Variants in MAP4K5 observed in about 807,000 individuals in gnomAD.
The protein encoded by MAP4K5 is MAPK/ERK kinase kinase kinase 5.
Under a neutral mutation model 135.6 loss-of-function variants are expected in MAP4K5, and 82 were observed. That is an observed-to-expected ratio of 0.60 (90% CI 0.51 to 0.73). MAP4K5 has a LOEUF of 0.73. MAP4K5 is among the 30% of genes least tolerant of loss of function. MAP4K5 has a pLI of 0.00. For synonymous variants in MAP4K5, 347 were observed against 335.0 expected, an observed-to-expected ratio of 1.04 and a Z score of -0.39; for missense variants, 907 against 1,010.9, an observed-to-expected ratio of 0.90 and a Z score of 1.39.
Position 50,428,688 on chromosome 14 carries a change from C to T in MAP4K5, c.2300G>A (p.Ser767Asn). Residue 767 changes from serine (S) to asparagine (N), a missense_variant, in exon 30 of 33, where the codon AGT (serine) becomes AAT (asparagine). By Grantham distance (46) the Ser-to-Asn change is conservative (BLOSUM62 1). Coordinates refer to ENST00000682126, the MANE Select transcript of MAP4K5 (RefSeq NM_006575.6). ...KSSKKLASEL[S>N]FDFRIESVVC... ...TACAGATTCAATGCGAAAATCAAAA[C>T]TTAACTCAGAGGCCAGTTTCTTACT... 1 of 1,521,254 alleles carries T rather than the reference C, an allele frequency of 6.6e-7. No individual in the cohort carries two copies. The highest frequency in any genetic ancestry group is 8.8e-7 in the Non-Finnish European group (1 of 1,138,104). The allele number at this position is 1,521,254 out of a possible 1,614,324, so 94.2% of individuals were successfully genotyped here.
At chr14:50,475,286 T>C (rs2037070376) in intron 8 of MAP4K5, 137 bp from the exon 9 acceptor site, 1 of 652,978 alleles carries the variant, frequency 1.5e-6, no homozygotes, top group African/African-American at 1.8e-5. Context: ...AATACCTAAA[T>C]CTCTTCTTGC....
At chr14:50,433,900 T>C (rs2036030624) in intron 28 of MAP4K5, among the ~76,000 whole-genome samples, 1 of 152,230 alleles carries the variant, frequency 6.6e-6, no homozygotes, top group South Asian at 2.1e-4. Flanking sequence ...AGTCTAGGAA[T>C]AAACTTCCCA....
upstream of MAP4K5, chr14:50,532,572 T>TCGCCGCCGC (rs531110683): frequency 6.6e-4 from 99 of 150,356 alleles, 1 homozygote; most frequent in African/African-American, 2.0e-3. Flanking sequence ...GCGCGTACAG[T>TCGCCGCCGC]CGCCGCCGCC....
At position 50,456,537 on chromosome 14, in the gene MAP4K5, G is replaced by A. The variant is rs1334187112; in HGVS notation, c.994C>T (p.Arg332Trp). 6.3e-6 allele frequency: 10 copies of A among 1,578,276 alleles called. No homozygotes were observed. The highest frequency in any genetic ancestry group is 1.7e-4 in the Middle Eastern group (1 of 6,020). ...ATACAATTTATTTCTGAAGCTGTCC[G>A]TTCAGCTCTGGCATTCCTGTTTGTA... ...RSTNRNARAE[R>W]TASEINFDKL... The change falls in exon 14 of 33, where the codon CGG becomes TGG. Residue 332 changes from arginine to tryptophan, a missense_variant. This residue lies in a region of MAP4K5 where 690 missense variants were observed against 777.4 expected (regional missense o/e 0.89). Transcript: ENST00000682126.
chr14:50,448,569 T>C (rs1043758550), intron 15 of MAP4K5, among the ~76,000 whole-genome samples: 1 of 151,920 alleles, frequency 6.6e-6, no homozygotes, highest in Non-Finnish European at 1.5e-5. Context: ...GAGGTTAAAA[T>C]GAATGATTGA....
At chr14:50,473,716 CTTTTTTTTTTT>C (rs398077753) in intron 9 of MAP4K5, among the ~76,000 whole-genome samples, 9 of 95,502 alleles carry the variant, frequency 9.4e-5, no homozygotes, top group Admixed American at 2.6e-4. Flanking sequence ...TTTGGTTTCA[CTTTTTTTTTTT>C]TTTTTTTTTT....
chr14:50,546,590 G>A (rs2038635487), intron 1 of MAP4K5, among the ~76,000 whole-genome samples: 1 of 152,122 alleles, frequency 6.6e-6, no homozygotes, highest in Admixed American at 6.5e-5. Context: ...AAATAGAAAT[G>A]TCTTCAGAAT....
intron 17 of MAP4K5, 97 bp from the exon 18 acceptor site, chr14:50,445,291 A>C: frequency 1.8e-6 from 2 of 1,084,722 alleles, no homozygotes; most frequent in Non-Finnish European, 2.6e-6. Flanking sequence ...TCTTCTATAC[A>C]GTTCAATTCA....
At chr14:50,502,774 A>T (rs1210416801) in intron 3 of MAP4K5, among the ~76,000 whole-genome samples, 1 of 152,128 alleles carries the variant, frequency 6.6e-6, no homozygotes, top group Admixed American at 6.6e-5. Flanking sequence ...ATCTATGTTT[A>T]CATGGAAATT....
chr14:50,479,357 C>T (rs2037185294), intron 6 of MAP4K5, among the ~76,000 whole-genome samples: 1 of 152,026 alleles, frequency 6.6e-6, no homozygotes, highest in Non-Finnish European at 1.5e-5. Flanking sequence ...ACCTCTATGC[C>T]CTCAAATTCA....
At chr14:50,420,530 G>A (rs779810188) in intron 32 of MAP4K5, among the ~76,000 whole-genome samples, 1 of 152,058 alleles carries the variant, frequency 6.6e-6, no homozygotes, top group African/African-American at 2.4e-5. Flanking sequence ...TACTCAGGAC[G>A]CTGAGGCAGG....
Position 50,514,496 on chromosome 14 carries a change from T to C in MAP4K5, c.109-9639A>G, listed in dbSNP as rs990649721. ...AATGAAACAAAAACAGTTCCTGTCTTCCGAAAACTTTTATCAGTTAGAAAG... is the reference window on the plus strand; with the variant it reads ...AATGAAACAAAAACAGTTCCTGTCTCCCGAAAACTTTTATCAGTTAGAAAG... On this transcript the variant is annotated intron_variant, in intron 2 of 32. Transcript: ENST00000682126. 2.0e-5 allele frequency among the ~76,000 whole-genome samples: 3 copies of C among 152,308 alleles called. No individual in the cohort carries two copies. In the East Asian group the frequency reaches 5.8e-4, roughly 29 times the overall value.
intron 2 of MAP4K5, 110 bp from the exon 3 acceptor site, chr14:50,504,967 A>G (rs1482766277): frequency 6.6e-6 from 4 of 608,996 alleles, no homozygotes; most frequent in Non-Finnish European, 1.1e-5. Context: ...ATCAAAACTA[A>G]AAAACAAAAT....
intron 2 of MAP4K5, among the ~76,000 whole-genome samples, chr14:50,515,267 T>A (rs2038012834): frequency 6.6e-6 from 1 of 152,170 alleles, no homozygotes; most frequent in African/African-American, 2.4e-5. Flanking sequence ...TCCTTTCTCT[T>A]GCCTCCACCA....
intron 2 of MAP4K5, among the ~76,000 whole-genome samples, chr14:50,509,325 TTC>T (rs1176448698): frequency 6.6e-6 from 1 of 152,204 alleles, no homozygotes; most frequent in Non-Finnish European, 1.5e-5. Context: ...AATTCGAGAA[TTC>T]TCTTTTTCTT....
intron 13 of MAP4K5, among the ~76,000 whole-genome samples, chr14:50,459,664 T>C (rs1055176773): frequency 6.6e-6 from 1 of 152,070 alleles, no homozygotes; most frequent in Admixed American, 6.6e-5. Context: ...CTTCCTTGTT[T>C]TCTGCCCTAG....
At chr14:50,549,134 G>A (rs951147499) in intron 1 of MAP4K5, among the ~76,000 whole-genome samples, 9 of 151,992 alleles carry the variant, frequency 5.9e-5, no homozygotes, top group South Asian at 2.1e-4. Flanking sequence ...AGATGGCAAC[G>A]GAACCACCTA....
chr14:50,426,041 T>G, intron 30 of MAP4K5, 64 bp from the exon 31 acceptor site: 1 of 1,049,216 alleles, frequency 9.5e-7, no homozygotes, highest in South Asian at 1.4e-5. Context: ...ATAAATTTTC[T>G]CTACTTTTAA....
At chr14:50,521,019 A>G (rs1208018016) in intron 2 of MAP4K5, among the ~76,000 whole-genome samples, 1 of 151,814 alleles carries the variant, frequency 6.6e-6, no homozygotes, top group Non-Finnish European at 1.5e-5. Context: ...CAGGGTTTCA[A>G]CATGTTGGCC....
Sources: allele counts gnomAD v4.1 joint callset (sites outside exome capture counted in the v4.1 genomes callset), GRCh38; gene constraint gnomAD v4.1.1; regional missense constraint gnomAD v4.1.1; transcripts MANE v1.5; gene names NCBI Gene and HGNC (gene_info 2026-07-23, HGNC 2026-07-21).